The following KLHL1 variants were observed in gnomAD, a reference collection of about 807,000 sequenced individuals.
KLHL1 encodes the protein kelch like family member 1.
In KLHL1, 47 loss-of-function variants were observed where a neutral mutation model predicts 77.7. The ratio of observed to expected loss-of-function variants is 0.60; its 90% CI spans 0.48 to 0.77. The LOEUF is 0.77. Among genes scored for constraint, KLHL1 ranks in the 30% least tolerant of loss-of-function variants. KLHL1 has a pLI of 0.00. For synonymous variants in KLHL1, 360 were observed against 325.2 expected, an observed-to-expected ratio of 1.11 and a Z score of -1.15; for missense variants, 925 against 910.8, an observed-to-expected ratio of 1.02 and a Z score of -0.20.
At position 69,783,302 on chromosome 13, in the gene KLHL1, G is replaced by A. The variant is rs141849820; in HGVS notation, c.1639+13436C>T. Among the ~76,000 whole-genome samples, 121 of 152,294 alleles carry A rather than the reference G, an allele frequency of 7.9e-4. 1 individual carries two copies. Among genetic ancestry groups the A allele is most frequent in the African/African-American group, 2.9e-3 (119 of 41,580 alleles). Reference sequence around the variant, plus strand: ...TCCAAAGGAATGCAGCTCCTCACCAGCAATAGAACAAAGCTGGATGGAGAA... The same window carrying A: ...TCCAAAGGAATGCAGCTCCTCACCAACAATAGAACAAAGCTGGATGGAGAA... On this transcript the variant is annotated intron_variant, in intron 7 of 10. Transcript: ENST00000377844.
chr13:69,963,273 G>T (rs1239532972), intron 2 of KLHL1, among the ~76,000 whole-genome samples: 1 of 151,834 alleles, frequency 6.6e-6, no homozygotes, highest in Non-Finnish European at 1.5e-5. Flanking sequence ...ATTACATTTG[G>T]GTTTAATTGT....
chr13:69,831,497 C>A (rs1878759577), intron 6 of KLHL1, among the ~76,000 whole-genome samples: 1 of 149,676 alleles, frequency 6.7e-6, no homozygotes, highest in African/African-American at 2.5e-5. Flanking sequence ...CCAGTGGATT[C>A]ACAGCTGAAT....
intron 4 of KLHL1, among the ~76,000 whole-genome samples, chr13:69,883,604 C>T (rs1193891818): frequency 6.6e-6 from 1 of 152,120 alleles, no homozygotes; most frequent in African/African-American, 2.4e-5. Flanking sequence ...GCTGTAAGAC[C>T]CTGATTTATA....
intron 6 of KLHL1, among the ~76,000 whole-genome samples, chr13:69,800,791 C>A (rs1339776188): frequency 6.6e-6 from 1 of 151,972 alleles, no homozygotes; most frequent in Admixed American, 6.6e-5. Flanking sequence ...AAGAAAAGGA[C>A]AAAGTCAGTC....
intron 1 of KLHL1, among the ~76,000 whole-genome samples, chr13:69,978,446 T>C (rs916238590): frequency 1.3e-5 from 2 of 151,302 alleles, no homozygotes; most frequent in African/African-American, 4.9e-5. Flanking sequence ...TACGTCCTTA[T>C]ATTAATTAAC....
chr13:69,977,775 C>A (rs979087631), intron 1 of KLHL1, among the ~76,000 whole-genome samples: 4 of 151,976 alleles, frequency 2.6e-5, no homozygotes, highest in Non-Finnish European at 4.4e-5. Context: ...ATTCGGAGAG[C>A]CTTACCAGTA....
intron 3 of KLHL1, among the ~76,000 whole-genome samples, chr13:69,945,924 A>G (rs149992458): frequency 9.8e-5 from 15 of 152,330 alleles, no homozygotes; most frequent in Admixed American, 9.2e-4. Context: ...AAGAACTAAA[A>G]TGTTACATGA....
At chr13:69,893,428 G>C (rs1881506709) in intron 4 of KLHL1, among the ~76,000 whole-genome samples, 1 of 151,796 alleles carries the variant, frequency 6.6e-6, no homozygotes, top group Non-Finnish European at 1.5e-5. Context: ...TAGAGACGGG[G>C]TTTCACCTTG....
intron 7 of KLHL1, among the ~76,000 whole-genome samples, chr13:69,740,977 C>T (rs553676684): frequency 5.1e-4 from 77 of 152,136 alleles, no homozygotes; most frequent in African/African-American, 1.8e-3. Flanking sequence ...AAGAGCATTT[C>T]TACACTGCTA....
At chr13:69,949,365 A>C (rs1175880873) in intron 3 of KLHL1, among the ~76,000 whole-genome samples, 1 of 151,618 alleles carries the variant, frequency 6.6e-6, no homozygotes, top group African/African-American at 2.4e-5. Flanking sequence ...TACTAATTTA[A>C]TATTTCATAA....
intron 1 of KLHL1, among the ~76,000 whole-genome samples, chr13:70,074,428 T>A (rs1887212052): frequency 6.6e-6 from 1 of 152,000 alleles, no homozygotes; most frequent in African/African-American, 2.4e-5. Context: ...CTTAGATAAC[T>A]TAAAAGTGGT....
At chr13:70,065,389 C>T (rs79663005) in intron 1 of KLHL1, among the ~76,000 whole-genome samples, 3,852 of 152,220 alleles carry the variant, frequency 0.025, 55 homozygotes, top group Non-Finnish European at 0.038. Context: ...TCATGGCATG[C>T]TAGCCAATTC....
At chr13:69,890,143 T>G (rs971438137) in intron 4 of KLHL1, among the ~76,000 whole-genome samples, 1 of 151,984 alleles carries the variant, frequency 6.6e-6, no homozygotes, top group African/African-American at 2.4e-5. Context: ...CATTTTATAA[T>G]AAGAAGAAAA....
chr13:69,911,568 G>A (rs201961605), intron 4 of KLHL1, among the ~76,000 whole-genome samples: 51 of 137,354 alleles, frequency 3.7e-4, no homozygotes, highest in South Asian at 4.6e-4. Context: ...ATATCATCAA[G>A]AAAAAAAAAA....
chr13:69,781,577 C>T (rs7988385), intron 7 of KLHL1, among the ~76,000 whole-genome samples: 55,160 of 151,822 alleles, frequency 0.36, 10,292 homozygotes, highest in African/African-American at 0.43. Flanking sequence ...TTCATTGCTG[C>T]TCATTCATGC....
intron 9 of KLHL1, among the ~76,000 whole-genome samples, chr13:69,713,235 T>A (rs1233980436): frequency 1.3e-5 from 2 of 152,232 alleles, no homozygotes; most frequent in Admixed American, 6.5e-5. Context: ...TCACATAATC[T>A]TGAATACTGG....
chr13:69,751,248 T>C (rs78973071), intron 7 of KLHL1, among the ~76,000 whole-genome samples: 1,613 of 152,078 alleles, frequency 0.011, 28 homozygotes, highest in African/African-American at 0.037. Context: ...AATTTTATTG[T>C]TATGCAACTT....
intron 5 of KLHL1, among the ~76,000 whole-genome samples, chr13:69,875,505 T>C (rs1434571862): frequency 6.6e-6 from 1 of 152,176 alleles, no homozygotes; most frequent in Non-Finnish European, 1.5e-5. Context: ...CTTAATATAT[T>C]GTAACGAAAA....
At chr13:69,847,870 A>G (rs1049316685) in intron 5 of KLHL1, among the ~76,000 whole-genome samples, 2 of 151,650 alleles carry the variant, frequency 1.3e-5, no homozygotes, top group African/African-American at 4.8e-5. Flanking sequence ...AAAGCCATGA[A>G]TAATAAAATA....
Sources: gnomAD v4.1 joint callset for allele counts (sites outside exome capture counted in the v4.1 genomes callset) on GRCh38, gnomAD v4.1.1 for gene constraint, MANE v1.5 for transcripts, NCBI Gene and HGNC (gene_info 2026-07-23, HGNC 2026-07-21) for gene names.